The following GNB3 variants were observed in gnomAD, a reference collection of about 807,000 sequenced individuals.
GNB3 encodes the protein G protein subunit beta 3.
In GNB3, 33 loss-of-function variants were observed where a neutral mutation model predicts 41.2. That is an observed-to-expected ratio of 0.80 (90% CI 0.61 to 1.07). The LOEUF (loss-of-function observed/expected upper bound fraction) is 1.07. Among genes scored for constraint, GNB3 ranks in the 50% least tolerant of loss-of-function variants. The probability of loss-of-function intolerance (pLI) is 0.00; values close to 1 mark genes in which losing one functional copy is unlikely to be tolerated. For missense variants in GNB3, 409 were observed against 455.3 expected (o/e 0.90, Z 0.92); for synonymous variants, 172 against 173.4 (o/e 0.99, Z 0.06).
rs782102378 is a variant in GNB3, at chr12:6,841,559, C to T, written c.58-27C>T. 23 of 1,607,302 alleles carry T rather than the reference C, an allele frequency of 1.4e-5. No homozygotes were observed. The South Asian group carries it at 2.4e-4, about 17-fold the overall frequency. On this transcript the variant is annotated intron_variant, in intron 2 of 9. Coordinates refer to ENST00000229264, the MANE Select transcript of GNB3 (RefSeq NM_002075.4). ...ACCTGCCACCCCCACCTCGCCCTTG[C>T]TCCCCTGATGTCTGCTTTCCCTGCA...
intron 2 of GNB3, 107 bp downstream of exon 2, chr12:6,841,451 C>T: frequency 2.5e-6 from 3 of 1,192,582 alleles, no homozygotes; most frequent in South Asian, 1.3e-5. Flanking sequence ...TAGAAGTGAC[C>T]AGGGACTTTC....
intron 1 of GNB3, 107 bp downstream of exon 1, chr12:6,841,140 G>A: frequency 1.5e-6 from 1 of 680,390 alleles, no homozygotes; most frequent in Non-Finnish European, 2.6e-6. Flanking sequence ...GGGCCTAGCT[G>A]GGGAGAGGGT....
rs1221705002 is a variant in GNB3, at chr12:6,841,786, G to C, written c.96+162G>C. The C allele has an allele frequency of 5.6e-6, 4 of 714,404 alleles. No homozygotes were observed. The East Asian group carries it at 1.1e-4, about 19-fold the overall frequency. The allele number at this position is 714,404 out of a possible 1,614,324, so 44.3% of individuals were successfully genotyped here. On this transcript the variant is annotated intron_variant, in intron 3 of 9. Coordinates refer to ENST00000229264, the MANE Select transcript of GNB3 (RefSeq NM_002075.4). ...CCAACATTTTAGCGGGACCTGCTCT[G>C]AGCCAGGCACCATATTGGATGCGAA...
chr12:6,843,530 G>A lies in GNB3; in HGVS notation c.430+5G>A. 1.2e-6 allele frequency: 2 copies of A among 1,614,008 alleles called. No homozygotes were observed. Among genetic ancestry groups the A allele is most frequent in the Non-Finnish European group, 1.7e-6 (2 of 1,179,872 alleles). On this transcript the variant is annotated splice_donor_5th_base_variant and intron_variant, in intron 6 of 9. Coordinates refer to ENST00000229264, the MANE Select transcript of GNB3 (RefSeq NM_002075.4). The surrounding 1 kb of genome is among the most constrained non-coding windows in gnomAD (Gnocchi z 5.9). ...GGGAGCTTTCTGCTCACACAGGTGA[G>A]GGAGAGACCCTCTCCTCCCCTCCTG... is the stretch of plus-strand genomic sequence containing the variant.
In GNB3 at chr12:6,843,002, CCA is replaced by C. The variant is rs1555123700; in HGVS notation, c.130_131del (p.Gln44AspfsTer22). The C allele has an allele frequency of 3.2e-6, 5 of 1,559,850 alleles. No homozygotes were observed. In the South Asian group the frequency reaches 6.1e-5, roughly 19 times the overall value. On this transcript the variant is annotated frameshift_variant, in exon 4 of 10. Transcript: ENST00000229264. LOFTEE classifies it high-confidence loss of function. The surrounding 1 kb of genome is among the most constrained non-coding windows in gnomAD (Gnocchi z 5.9). ...CTGGCCTAGAGGTGGTGGGACGAGT[CCA>C]GATGCGGACGCGGCGGACGTTAAGG... ...VSGLEVVGRV[Q>X]MRTRRTLRGH... is the part of the protein sequence containing the mutation.
chr12:6,847,204 GC>G lies in GNB3; in HGVS notation c.*310del. ...CAGGCCCAGCAGACTTGAGTCTGAGGCCCCAGGCCCTAGGATTCCTCCCCCA... is the reference window on the plus strand; with the variant it reads ...CAGGCCCAGCAGACTTGAGTCTGAGGCCCAGGCCCTAGGATTCCTCCCCCA... On this transcript the variant is annotated 3_prime_UTR_variant, in exon 10 of 10. Coordinates refer to ENST00000229264, the MANE Select transcript of GNB3 (RefSeq NM_002075.4). 2.8e-6 allele frequency: 1 copy of G among 362,044 alleles called. No homozygotes were observed. Among genetic ancestry groups the G allele is most frequent in the Non-Finnish European group, 5.2e-6 (1 of 193,808 alleles). The allele number at this position is 362,044 out of a possible 1,614,324, so 22.4% of individuals were successfully genotyped here. A position where few individuals can be genotyped will look rare whatever the true frequency, so the allele number is the denominator to read the frequency against.
chr12:6,841,499 G>T, intron 2 of GNB3, 87 bp from the exon 3 acceptor site: 1 of 1,263,526 alleles, frequency 7.9e-7, no homozygotes, highest in Non-Finnish European at 1.1e-6. Context: ...CCAAGCCCCA[G>T]AGCCCCAAGA....
In GNB3 at chr12:6,845,615, G is replaced by A. The variant is rs147480203; in HGVS notation, c.729G>A (p.Thr243=). Residue 243 remains threonine (T), a synonymous_variant, in exon 9 of 10, where the codon ACG becomes ACA. Coordinates refer to ENST00000229264, the MANE Select transcript of GNB3 (RefSeq NM_002075.4). The part of the protein sequence containing the change: ...CFFPNGEAIC[T]GSDDASCRLF... ...TCCCCAATGGAGAGGCCATCTGCAC[G>A]GGCTCGGATGACGCTTCCTGCCGCT... The A allele has an allele frequency of 1.8e-3, 2,824 of 1,612,744 alleles. 19 individuals carry two copies. The highest frequency in any genetic ancestry group is 8.3e-3 in the South Asian group (757 of 91,086).
In GNB3 at chr12:6,843,055, T is replaced by G. The variant is rs1555123725; in HGVS notation, c.182T>G (p.Met61Arg). The G allele has an allele frequency of 1.3e-6, 2 of 1,595,858 alleles. No individual in the cohort carries two copies. The highest frequency in any genetic ancestry group is 2.2e-5 in the South Asian group (2 of 89,768). Residue 61 changes from methionine (M) to arginine (R), a missense_variant, in exon 4 of 10, where the codon ATG becomes AGG. By Grantham distance (91) the Met-to-Arg change is moderately conservative. Transcript: ENST00000229264. The surrounding 1 kb of genome is among the most constrained non-coding windows in gnomAD (Gnocchi z 5.9). ...LRGHLAKIYA[M>R]HWATDSKLLV... ...GGACACCTGGCCAAGATTTACGCCA[T>G]GCACTGGGCCACTGATTCTAAGTGA...
At position 6,843,992 on chromosome 12, in the gene GNB3, C is replaced by A; in HGVS notation, c.699+14C>A. 1 of 1,588,694 alleles carries A rather than the reference C, an allele frequency of 6.3e-7. No homozygotes were observed. The highest frequency in any genetic ancestry group is 1.3e-5 in the African/African-American group (1 of 74,712). On this transcript the variant is annotated intron_variant, in intron 8 of 9. Transcript: ENST00000229264. This position sits in a 1 kb window ranked among gnomAD's most constrained non-coding sequence, Gnocchi z 5.9. ...AACGCCATCTGTGTGAGTGCACCCC[C>A]CACCCCAGCTTCACTCCAACTCCTT...
At chr12:6,842,329 A>G (rs1268808147) in intron 3 of GNB3, among the ~76,000 whole-genome samples, 2 of 152,200 alleles carry the variant, frequency 1.3e-5, no homozygotes, top group Non-Finnish European at 1.5e-5. Flanking sequence ...TGAAAGGATC[A>G]CTTGAGCTCA....
Position 6,843,574 on chromosome 12 carries a change from G to A in GNB3, c.430+49G>A, listed in dbSNP as rs1187953126. 2 of 1,610,670 alleles carry A rather than the reference G, an allele frequency of 1.2e-6. No homozygotes were observed. Among genetic ancestry groups the A allele is most frequent in the Non-Finnish European group, 1.7e-6 (2 of 1,176,938 alleles). ...CCTCCTGAGGGGTTCAGGGAACCCT[G>A]GGCTTCCAGTGGGCTGTGGCTCTGC... On this transcript the variant is annotated intron_variant, in intron 6 of 9. Transcript: ENST00000229264. The surrounding 1 kb of genome is among the most constrained non-coding windows in gnomAD (Gnocchi z 5.9).
Position 6,843,623 on chromosome 12 carries a change from CG to C in GNB3, c.431-8del. 6.2e-7 allele frequency: 1 copy of C among 1,614,072 alleles called. No homozygotes were observed. Among genetic ancestry groups the C allele is most frequent in the Non-Finnish European group, 8.5e-7 (1 of 1,179,910 alleles). On this transcript the variant is annotated splice_region_variant and splice_polypyrimidine_tract_variant and intron_variant, in intron 6 of 9. Coordinates refer to ENST00000229264, the MANE Select transcript of GNB3 (RefSeq NM_002075.4). The surrounding 1 kb of genome is among the most constrained non-coding windows in gnomAD (Gnocchi z 5.9). ...GCAGCCAGGGCACTGTCCTTCTAACCGCCTCCAGGTTATCTCTCCTGCTGCC... is the reference window on the plus strand; with the variant it reads ...GCAGCCAGGGCACTGTCCTTCTAACCCCTCCAGGTTATCTCTCCTGCTGCC...
At position 6,847,084 on chromosome 12, in the gene GNB3, A is replaced by G; in HGVS notation, c.*186A>G. 1 of 576,614 alleles carries G rather than the reference A, an allele frequency of 1.7e-6. No homozygotes were observed. The highest frequency in any genetic ancestry group is 2.0e-5 in the South Asian group (1 of 48,880). The allele number at this position is 576,614 out of a possible 1,614,324, so 35.7% of individuals were successfully genotyped here. A position where few individuals can be genotyped will look rare whatever the true frequency, so the allele number is the denominator to read the frequency against. On this transcript the variant is annotated 3_prime_UTR_variant, in exon 10 of 10. Transcript: ENST00000229264. ...CAGCATCAGGGACACAGGGGCAAAG[A>G]ACTGCCCCATCTCCTCCCATGGCCT...
Position 6,842,957 on chromosome 12 carries a change from C to T in GNB3, c.97-13C>T, listed in dbSNP as rs782650489. ...CCTGCTCACCCTGATATTCAGTGCC[C>T]CTCTCTCTGCAGCTGGTGTCTGGCC... On this transcript the variant is annotated splice_polypyrimidine_tract_variant and intron_variant, in intron 3 of 9. Coordinates refer to ENST00000229264, the MANE Select transcript of GNB3 (RefSeq NM_002075.4). 2 of 1,514,536 alleles carry T rather than the reference C, an allele frequency of 1.3e-6. No individual in the cohort carries two copies. The highest frequency in any genetic ancestry group is 1.8e-6 in the Non-Finnish European group (2 of 1,120,558). The allele number at this position is 1,514,536 out of a possible 1,614,324, so 93.8% of individuals were successfully genotyped here. A position where few individuals can be genotyped will look rare whatever the true frequency, so the allele number is the denominator to read the frequency against.
Position 6,846,999 on chromosome 12 carries a change from T to G in GNB3, c.*101T>G. 2.8e-6 allele frequency: 2 copies of G among 704,582 alleles called. No homozygotes were observed. Among genetic ancestry groups the G allele is most frequent in the Non-Finnish European group, 2.5e-6 (1 of 398,132 alleles). The allele number at this position is 704,582 out of a possible 1,614,324, so 43.6% of individuals were successfully genotyped here. A position where few individuals can be genotyped will look rare whatever the true frequency, so the allele number is the denominator to read the frequency against. On this transcript the variant is annotated 3_prime_UTR_variant, in exon 10 of 10. Coordinates refer to ENST00000229264, the MANE Select transcript of GNB3 (RefSeq NM_002075.4). ...GTTCTCTTCTATATTCCGGGTGCCA[T>G]TCCCACTAAGCTTTCTCCTTTGAGG...
intron 9 of GNB3, 173 bp from the exon 10 acceptor site, chr12:6,846,619 A>G (rs980051392): frequency 1.2e-5 from 7 of 561,476 alleles, no homozygotes; most frequent in Admixed American, 2.9e-5. Flanking sequence ...TCAAGCACAC[A>G]TGCACACACA....
intron 3 of GNB3, among the ~76,000 whole-genome samples, chr12:6,842,348 A>C (rs1285004308): frequency 1.3e-5 from 2 of 152,346 alleles, no homozygotes; most frequent in Non-Finnish European, 2.9e-5. Context: ...CAGGAGTTTG[A>C]GACCAGCCTG....
In GNB3 at chr12:6,843,244, G is replaced by GCCCTGCCT; in HGVS notation, c.267+13_267+20dup. 1 of 1,613,632 alleles carries GCCCTGCCT rather than the reference G, an allele frequency of 6.2e-7. No individual in the cohort carries two copies. Among genetic ancestry groups the GCCCTGCCT allele is most frequent in the Middle Eastern group, 1.6e-4 (1 of 6,062 alleles). Reference sequence around the variant, plus strand: ...CAGCTACACCACCAACAAGGTACCAGCCCTGCCTCCCTGAGCCTCCACCAC... The same window carrying GCCCTGCCT: ...CAGCTACACCACCAACAAGGTACCAGCCCTGCCTCCCTGCCTCCCTGAGCCTCCACCAC... On this transcript the variant is annotated splice_region_variant and intron_variant, in intron 5 of 9. Coordinates refer to ENST00000229264, the MANE Select transcript of GNB3 (RefSeq NM_002075.4). This position sits in a 1 kb window ranked among gnomAD's most constrained non-coding sequence, Gnocchi z 5.9.
Sources: allele counts gnomAD v4.1 joint callset (sites outside exome capture counted in the v4.1 genomes callset), GRCh38; gene constraint gnomAD v4.1.1; non-coding constraint Gnocchi (gnomAD v3.1); transcripts MANE v1.5; gene names NCBI Gene and HGNC (gene_info 2026-07-23, HGNC 2026-07-21).